Variants in PCDH15 observed in about 807,000 individuals in gnomAD.
The protein encoded by PCDH15 is protocadherin-15.
In PCDH15, 129 loss-of-function variants were observed where a neutral mutation model predicts 178.5. The observed-to-expected ratio is 0.72, with a 90% CI of 0.63 to 0.84. PCDH15 has a LOEUF of 0.84. PCDH15 is among the 40% of genes least tolerant of loss of function. PCDH15 has a pLI of 0.00. For missense variants in PCDH15, 2,230 were observed against 2,099.9 expected (o/e 1.06, Z -1.21); for synonymous variants, 800 against 732.0 (o/e 1.09, Z -1.50).
rs201149714 is a variant in PCDH15, at chr10:54,184,443, CAT to C, written c.1440+689_1440+690del. ...TACTTGTTATTTACGTGTTTGTGTG[CAT>C]GTGTGTGTATGTTTATGTGTGTGTG... On this transcript the variant is annotated intron_variant, in intron 12 of 37. Coordinates refer to ENST00000644397, the MANE Select transcript of PCDH15 (RefSeq NM_001384140.1). Among the ~76,000 whole-genome samples, 979 of 151,934 alleles carry C rather than the reference CAT, an allele frequency of 6.4e-3. 7 individuals carry two copies. The highest frequency in any genetic ancestry group is 0.022 in the African/African-American group (910 of 41,498).
At chr10:54,655,241 A>G (rs1414206086) in intron 2 of PCDH15, among the ~76,000 whole-genome samples, 2 of 106,654 alleles carry the variant, frequency 1.9e-5, no homozygotes, top group East Asian at 5.6e-4. Flanking sequence ...AGGAAGGGAA[A>G]GAAAGAAAGA....
chr10:55,610,860 G>A (rs1036426188), intron 2 of PCDH15, among the ~76,000 whole-genome samples: 2 of 152,010 alleles, frequency 1.3e-5, no homozygotes, highest in African/African-American at 4.8e-5. Flanking sequence ...GAACAATTGG[G>A]TGGTTGTCTA....
chr10:54,226,112 G>GT (rs773166655), intron 9 of PCDH15, among the ~76,000 whole-genome samples: 8 of 152,148 alleles, frequency 5.3e-5, no homozygotes, highest in Non-Finnish European at 1.2e-4. Context: ...TTTCACACTG[G>GT]TGAAAAGACA....
chr10:55,457,148 C>T (rs1839572580), intron 2 of PCDH15, among the ~76,000 whole-genome samples: 2 of 152,054 alleles, frequency 1.3e-5, no homozygotes, highest in Non-Finnish European at 2.9e-5. Flanking sequence ...GGTATCTATA[C>T]TTGAATATCC....
chr10:54,913,632 G>A (rs899982248), intron 2 of PCDH15, among the ~76,000 whole-genome samples: 6 of 152,140 alleles, frequency 3.9e-5, no homozygotes, highest in East Asian at 1.9e-4. Flanking sequence ...TGGTAGATCC[G>A]TCAACATCTT....
chr10:53,905,592 C>T (rs902303180), intron 25 of PCDH15, among the ~76,000 whole-genome samples: 20 of 152,154 alleles, frequency 1.3e-4, no homozygotes, highest in Admixed American at 6.5e-5. Flanking sequence ...CCACCTCGGC[C>T]TCCCAAAGTT....
At position 54,622,635 on chromosome 10, in the gene PCDH15, T is replaced by TTA. The variant is rs1491576807; in HGVS notation, c.91+41535_91+41536dup. Among the ~76,000 whole-genome samples the TTA allele has an allele frequency of 6.0e-3, 242 of 40,166 alleles. 2 individuals are homozygous for TTA. The highest frequency in any genetic ancestry group is 0.025 in the African/African-American group (229 of 9,024). 26.4% of individuals were successfully genotyped at this position (40,166 alleles called of 152,430 possible). On this transcript the variant is annotated intron_variant, in intron 2 of 37. Transcript: ENST00000644397. ...TTATATATAATATATATAATATATA[T>TTA]TATATAATTATATATATACTATATA...
chr10:53,861,821 T>C (rs2079124264), intron 27 of PCDH15, among the ~76,000 whole-genome samples: 1 of 152,106 alleles, frequency 6.6e-6, no homozygotes, highest in South Asian at 2.1e-4. Flanking sequence ...AGCTAGCATA[T>C]TGGACAACCC....
intron 2 of PCDH15, among the ~76,000 whole-genome samples, chr10:55,586,025 T>C (rs942342036): frequency 1.3e-5 from 2 of 152,096 alleles, no homozygotes; most frequent in African/African-American, 2.4e-5. Context: ...CCTAATCTGT[T>C]TGGAAATCAT....
At chr10:55,062,820 G>T (rs1298082070) in intron 2 of PCDH15, among the ~76,000 whole-genome samples, 2 of 152,076 alleles carry the variant, frequency 1.3e-5, no homozygotes, top group East Asian at 3.9e-4. Flanking sequence ...AATAGTGGAG[G>T]TTGTGCATTT....
chr10:54,805,839 T>G (rs978911547), upstream of PCDH15, among the ~76,000 whole-genome samples: 4 of 152,186 alleles, frequency 2.6e-5, no homozygotes, highest in African/African-American at 9.6e-5. Context: ...TAGTAAAATA[T>G]GTAAAGATGT....
At chr10:54,905,820 A>G (rs1423043946) in intron 2 of PCDH15, among the ~76,000 whole-genome samples, 1 of 152,108 alleles carries the variant, frequency 6.6e-6, no homozygotes, top group Non-Finnish European at 1.5e-5. Context: ...TGTCATGAAT[A>G]CAAAAATTTC....
intron 14 of PCDH15, among the ~76,000 whole-genome samples, chr10:54,136,334 A>G (rs2042897691): frequency 6.6e-6 from 1 of 151,770 alleles, no homozygotes; most frequent in Non-Finnish European, 1.5e-5. Context: ...CAGGAGAAAA[A>G]CTCTACAAAG....
At chr10:54,764,112 T>TATA (rs1490224419) in intron 1 of PCDH15, among the ~76,000 whole-genome samples, 2 of 151,968 alleles carry the variant, frequency 1.3e-5, no homozygotes, top group Admixed American at 1.3e-4. Context: ...TAAATATATA[T>TATA]TTTTTTCAGT....
intron 17 of PCDH15, among the ~76,000 whole-genome samples, chr10:54,076,588 C>T (rs770529868): frequency 1.4e-4 from 21 of 151,110 alleles, no homozygotes; most frequent in African/African-American, 4.6e-4. Context: ...AAATTAGAAT[C>T]GAAAAAGTAT....
At position 53,814,296 on chromosome 10, in the gene PCDH15, C is replaced by T. The variant is rs148254918; in HGVS notation, c.4491+1943G>A. Among the ~76,000 whole-genome samples, 7 of 152,002 alleles carry T rather than the reference C, an allele frequency of 4.6e-5. No homozygotes were observed. The East Asian group carries it at 7.7e-4, about 17-fold the overall frequency. ...CAACATTAGGTAATAGTAAGAAACA[C>T]GAAATAAAAATTTCAAGTAAATATT... On this transcript the variant is annotated intron_variant, in intron 35 of 37. Transcript: ENST00000644397.
At chr10:54,752,276 A>G (rs1008556537) in intron 1 of PCDH15, among the ~76,000 whole-genome samples, 15 of 151,312 alleles carry the variant, frequency 9.9e-5, no homozygotes, top group African/African-American at 3.6e-4. Flanking sequence ...GGAGATGGAG[A>G]CCATCCTGGC....
At chr10:54,570,650 C>T (rs555200550) in intron 2 of PCDH15, among the ~76,000 whole-genome samples, 166 of 151,654 alleles carry the variant, frequency 1.1e-3, no homozygotes, top group African/African-American at 3.9e-3. Context: ...CACTTGTGTC[C>T]ATTTTTTTTC....
intron 13 of PCDH15, among the ~76,000 whole-genome samples, chr10:54,170,341 T>C (rs540975209): frequency 6.6e-6 from 1 of 152,250 alleles, no homozygotes; most frequent in East Asian, 1.9e-4. Flanking sequence ...GACCACACCC[T>C]GTAGCCTTTC....
Sources: allele counts gnomAD v4.1 joint callset (sites outside exome capture counted in the v4.1 genomes callset), GRCh38; gene constraint gnomAD v4.1.1; transcripts MANE v1.5; gene names NCBI Gene and HGNC (gene_info 2026-07-23, HGNC 2026-07-21).